ATIC: variants seen among roughly 807,000 people sequenced by gnomAD.
ATIC encodes the protein bifunctional purine biosynthesis protein ATIC.
ATIC carries 64 observed loss-of-function variants against 72.5 expected under a neutral mutation model. The observed-to-expected ratio is 0.88, with a 90% CI of 0.72 to 1.09. The LOEUF (loss-of-function observed/expected upper bound fraction) is 1.09, where lower values mean the gene tolerates loss of function less well. ATIC is among the 50% of genes least tolerant of loss of function. The pLI is 0.00. For missense variants in ATIC, 787 were observed against 732.4 expected, an observed-to-expected ratio of 1.07 and a Z score of -0.86; for synonymous variants, 281 against 267.1, an observed-to-expected ratio of 1.05 and a Z score of -0.51.
intron 12 of ATIC, among the ~76,000 whole-genome samples, chr2:215,344,197 T>G (rs1286982071): frequency 2.6e-5 from 4 of 152,206 alleles, no homozygotes; most frequent in Admixed American, 6.5e-5. Flanking sequence ...TTACCTCATG[T>G]GATATAAAAA....
At chr2:215,360,864 G>T in the ATIC span, 1 of 152,628 alleles carries the variant, frequency 6.6e-6, no homozygotes, top group Admixed American at 6.5e-5. Flanking sequence ...ACTTCAAGTT[G>T]TGGAATGTAA....
At chr2:215,317,239 CT>C (rs902563002) in intron 2 of ATIC, among the ~76,000 whole-genome samples, 13 of 152,092 alleles carry the variant, frequency 8.5e-5, no homozygotes, top group African/African-American at 2.2e-4. Flanking sequence ...TTCTAGTTTA[CT>C]TTTTTTTCCC....
chr2:215,333,967 G>A (rs1226148025), intron 9 of ATIC, among the ~76,000 whole-genome samples: 1 of 151,498 alleles, frequency 6.6e-6, no homozygotes, highest in Non-Finnish European at 1.5e-5. Context: ...GTGTGAACCC[G>A]GCAGGTGGAA....
At chr2:215,365,248 T>G in the ATIC span, among the ~76,000 whole-genome samples, 2 of 152,176 alleles carry the variant, frequency 1.3e-5, no homozygotes, top group African/African-American at 2.4e-5. Context: ...CAATAAAGCT[T>G]CTTTGTAGCA....
rs190729224 is a variant in ATIC, at chr2:215,343,582, C to T, written c.1228-1197C>T. 2.4e-3 allele frequency among the ~76,000 whole-genome samples: 363 copies of T among 152,346 alleles called. 1 individual carries two copies. Among genetic ancestry groups the T allele is most frequent in the Middle Eastern group, 3.4e-3 (1 of 294 alleles). On this transcript the variant is annotated intron_variant, in intron 12 of 15. Coordinates refer to ENST00000236959, the MANE Select transcript of ATIC (RefSeq NM_004044.7). ...AACTTCTGACCTCAGGTGGTCCACC[C>T]GCCTTGGCCTCCCAAAGTGCTAGGA...
chr2:215,335,686 A>G (rs918786324), intron 10 of ATIC, among the ~76,000 whole-genome samples: 1 of 152,214 alleles, frequency 6.6e-6, no homozygotes. Flanking sequence ...GAGGTCATTT[A>G]ACCATGTACT....
chr2:215,341,374 AT>A (rs2053017114), intron 12 of ATIC, among the ~76,000 whole-genome samples: 2 of 152,148 alleles, frequency 1.3e-5, no homozygotes, highest in Non-Finnish European at 2.9e-5. Flanking sequence ...GTTTGTAGAT[AT>A]TGGATTCATT....
At chr2:215,337,014 A>G (rs2052963232) in intron 11 of ATIC, among the ~76,000 whole-genome samples, 1 of 151,752 alleles carries the variant, frequency 6.6e-6, no homozygotes, top group Non-Finnish European at 1.5e-5. Flanking sequence ...TCATGTTTGA[A>G]TGTTTTTATT....
In ATIC at chr2:215,334,189, C is replaced by CTTTTTT. The variant is rs551274501; in HGVS notation, c.923-713_923-708dup. Among the ~76,000 whole-genome samples the CTTTTTT allele has an allele frequency of 4.9e-4, 49 of 100,972 alleles. 1 individual carries two copies. Among genetic ancestry groups the CTTTTTT allele is most frequent in the Non-Finnish European group, 6.4e-4 (33 of 51,800 alleles). 66.2% of individuals were successfully genotyped at this position (100,972 alleles called of 152,430 possible). On this transcript the variant is annotated intron_variant, in intron 9 of 15. Transcript: ENST00000236959. Reference sequence around the variant, plus strand: ...AAAATTGAAATTACAAAAAGCTATTCTTTTTTTTTTTTTTTTTTTTTTGAG... The same window carrying CTTTTTT: ...AAAATTGAAATTACAAAAAGCTATTCTTTTTTTTTTTTTTTTTTTTTTTTTTTTGAG...
intron 14 of ATIC, chr2:215,347,636 T>G (rs2053086129): frequency 2.0e-6 from 1 of 490,644 alleles, no homozygotes; most frequent in African/African-American, 1.9e-5. Context: ...GGAATCAACA[T>G]AAGTGTCATT....
rs1196041376 is a variant in ATIC, at chr2:215,326,735, ATGT to A, written c.532-82_532-80del. 59 of 1,504,434 alleles carry A rather than the reference ATGT, an allele frequency of 3.9e-5. No individual in the cohort carries two copies. In the East Asian group the frequency reaches 1.3e-3, roughly 33 times the overall value. 93.2% of individuals were successfully genotyped at this position (1,504,434 alleles called of 1,614,324 possible). On this transcript the variant is annotated intron_variant, in intron 6 of 15. Coordinates refer to ENST00000236959, the MANE Select transcript of ATIC (RefSeq NM_004044.7). Reference sequence around the variant, plus strand: ...CCACATAGCACTGAATAGTGAGGAGATGTTGTTTGCTGTGGACGTAGAAAACCA... The same window carrying A: ...CCACATAGCACTGAATAGTGAGGAGATGTTTGCTGTGGACGTAGAAAACCA...
At chr2:215,326,639 T>C (rs1227616193) in intron 6 of ATIC, among the ~76,000 whole-genome samples, 183 bp from the exon 7 acceptor site, 1 of 151,472 alleles carries the variant, frequency 6.6e-6, no homozygotes, top group African/African-American at 2.4e-5. Flanking sequence ...GAAAAAGAAT[T>C]GGAAAGGGGT....
chr2:215,353,754 G>A (rs937471835), downstream of ATIC, among the ~76,000 whole-genome samples: 1 of 152,026 alleles, frequency 6.6e-6, no homozygotes, highest in Non-Finnish European at 1.5e-5. Context: ...TAGAGATGGG[G>A]TTTCAGAATG....
At chr2:215,362,901 C>G in the ATIC span, 1 of 152,394 alleles carries the variant, frequency 6.6e-6, no homozygotes, top group Non-Finnish European at 1.5e-5. Flanking sequence ...AAGAGGGAGT[C>G]CGGGCGCCAT....
Position 215,336,857 on chromosome 2 carries a change from A to G in ATIC, c.1098+733A>G, listed in dbSNP as rs563998462. On this transcript the variant is annotated intron_variant, in intron 11 of 15. Transcript: ENST00000236959. ...CTGCCCCTTTTAGATGTTGTAGGCA[A>G]ATTCATTGTCCTAACTGAAATATAT... Among the ~76,000 whole-genome samples the G allele has an allele frequency of 2.6e-5, 4 of 152,350 alleles. No homozygotes were observed. In the East Asian group the frequency reaches 7.7e-4, roughly 29 times the overall value.
Position 215,338,773 on chromosome 2 carries a change from T to C in ATIC, c.1099-6T>C, listed in dbSNP as rs753502207. 36 of 1,612,966 alleles carry C rather than the reference T, an allele frequency of 2.2e-5. No homozygotes were observed. The African/African-American group carries it at 3.9e-4, about 17-fold the overall frequency. On this transcript the variant is annotated splice_polypyrimidine_tract_variant and splice_region_variant and intron_variant, in intron 11 of 15. Transcript: ENST00000236959. ...TTAACTTTAACTTTTAAAATTTGTA[T>C]TTTAGATGGACCAATCTTACAAACC...
chr2:215,324,083 GAT>G (rs2052797454), intron 4 of ATIC, among the ~76,000 whole-genome samples: 1 of 152,198 alleles, frequency 6.6e-6, no homozygotes, highest in South Asian at 2.1e-4. Context: ...TTTTAGTAGA[GAT>G]GGGGTTTTAC....
In ATIC at chr2:215,344,759, C is replaced by T; in HGVS notation, c.1228-20C>T. 3 of 1,607,678 alleles carry T rather than the reference C, an allele frequency of 1.9e-6. No homozygotes were observed. Among genetic ancestry groups the T allele is most frequent in the Non-Finnish European group, 2.6e-6 (3 of 1,174,578 alleles). On this transcript the variant is annotated intron_variant, in intron 12 of 15. Transcript: ENST00000236959. The stretch of plus-strand genomic sequence containing the variant: ...AGTTTAAAAGGCCCCATGCAATTTA[C>T]CATTGTGTATGTGTTTCAGTTGCCA...
the ATIC span, chr2:215,362,134 G>A: frequency 1.4e-5 from 18 of 1,323,236 alleles, no homozygotes; most frequent in South Asian, 1.7e-4. Context: ...TGAGGACATC[G>A]TAATTTAGTG....
Sources: allele counts gnomAD v4.1 joint callset (sites outside exome capture counted in the v4.1 genomes callset), GRCh38; gene constraint gnomAD v4.1.1; transcripts MANE v1.5; gene names NCBI Gene and HGNC (gene_info 2026-07-23, HGNC 2026-07-21).